The following EEFSEC variants were observed in gnomAD, a reference collection of about 807,000 sequenced individuals.
The protein encoded by EEFSEC is eukaryotic elongation factor, selenocysteine-tRNA specific.
EEFSEC carries 43 observed loss-of-function variants against 42.1 expected under a neutral mutation model. That is an observed-to-expected ratio of 1.02 (90% CI 0.80 to 1.32). The LOEUF (loss-of-function observed/expected upper bound fraction) is 1.32, where lower values mean the gene tolerates loss of function less well. EEFSEC is among the 40% of genes most tolerant of loss of function. The probability of loss-of-function intolerance (pLI) is 0.00; values close to 1 mark genes in which losing one functional copy is unlikely to be tolerated. For synonymous variants in EEFSEC, 354 were observed against 339.1 expected (o/e 1.04, Z -0.48); for missense variants, 745 against 803.6 (o/e 0.93, Z 0.88).
chr3:128,384,635 C>T (rs373202803), intron 6 of EEFSEC, among the ~76,000 whole-genome samples: 2 of 152,162 alleles, frequency 1.3e-5, no homozygotes, highest in African/African-American at 2.4e-5. Flanking sequence ...GGTGGCTGTA[C>T]CCCTGAGCCC....
At chr3:128,392,184 A>G (rs1050740779) in intron 6 of EEFSEC, among the ~76,000 whole-genome samples, 1 of 152,106 alleles carries the variant, frequency 6.6e-6, no homozygotes, top group East Asian at 1.9e-4. Context: ...GGCATGCGGG[A>G]CCCAGAGTGG....
At chr3:128,198,734 G>A (rs1157916588) in intron 1 of EEFSEC, among the ~76,000 whole-genome samples, 2 of 152,164 alleles carry the variant, frequency 1.3e-5, no homozygotes, top group African/African-American at 2.4e-5. Context: ...ACAATGCAGA[G>A]GGAGGGAACC....
the EEFSEC span, among the ~76,000 whole-genome samples, chr3:128,419,215 A>AGGCTGCTG: frequency 6.6e-6 from 1 of 152,188 alleles, no homozygotes; most frequent in African/African-American, 2.4e-5. Context: ...TGCACAAAGA[A>AGGCTGCTG]GTGGGGCACG....
intron 6 of EEFSEC, among the ~76,000 whole-genome samples, chr3:128,388,444 C>G (rs1463977941): frequency 6.6e-6 from 1 of 152,246 alleles, no homozygotes; most frequent in African/African-American, 2.4e-5. Flanking sequence ...TCCGCAGCCA[C>G]CAGCAGCGGG....
rs369663515 is a variant in EEFSEC, at chr3:128,323,444, T to C, written c.787-17789T>C. On this transcript the variant is annotated intron_variant, in intron 4 of 6. Coordinates refer to ENST00000254730, the MANE Select transcript of EEFSEC (RefSeq NM_021937.5). ...TGTCGGCTCTGGCCCGGAACTGACC[T>C]TTGTTATTTGAAGTGCTGGAAACAG... 7.2e-4 allele frequency among the ~76,000 whole-genome samples: 109 copies of C among 152,242 alleles called. No homozygotes were observed. The Middle Eastern group carries it at 0.027, about 38-fold the overall frequency.
At chr3:128,270,862 G>A (rs1460252942) in intron 4 of EEFSEC, among the ~76,000 whole-genome samples, 2 of 152,060 alleles carry the variant, frequency 1.3e-5, no homozygotes, top group African/African-American at 2.4e-5. Context: ...GGTGTGCCCC[G>A]TCCTCTGTGC....
chr3:128,183,817 A>G (rs1042386994), intron 1 of EEFSEC, among the ~76,000 whole-genome samples: 10 of 152,228 alleles, frequency 6.6e-5, no homozygotes, highest in African/African-American at 2.2e-4. Context: ...ATGGCTTGAC[A>G]TAAGTTGCTT....
At position 128,345,511 on chromosome 3, in the gene EEFSEC, C is replaced by T. The variant is rs147857216; in HGVS notation, c.1443+3622C>T. Among the ~76,000 whole-genome samples the T allele has an allele frequency of 2.3e-4, 35 of 152,348 alleles. No individual in the cohort carries two copies. The East Asian group carries it at 6.7e-3, about 29-fold the overall frequency. Reference sequence around the variant, plus strand: ...TGACTCTAAAAATTCCTGGGCACATCACAGTTACTAGTCAGCTTTCTGGAC... The same window carrying T: ...TGACTCTAAAAATTCCTGGGCACATTACAGTTACTAGTCAGCTTTCTGGAC... On this transcript the variant is annotated intron_variant, in intron 5 of 6. Transcript: ENST00000254730.
intron 4 of EEFSEC, among the ~76,000 whole-genome samples, chr3:128,321,068 T>A (rs553270042): frequency 6.6e-6 from 1 of 152,114 alleles, no homozygotes; most frequent in African/African-American, 2.4e-5. Flanking sequence ...ATGGCACAAA[T>A]ATGTGTGGGA....
At chr3:128,334,139 TG>T (rs145578419) in intron 4 of EEFSEC, among the ~76,000 whole-genome samples, 201 of 152,316 alleles carry the variant, frequency 1.3e-3, no homozygotes, top group Non-Finnish European at 2.4e-3. Context: ...CAGCCTAGAC[TG>T]AACCTGCCTC....
chr3:128,194,144 C>T lies in EEFSEC; in HGVS notation c.316+40321C>T, dbSNP rs151057389. On this transcript the variant is annotated intron_variant, in intron 1 of 6. Transcript: ENST00000254730. ...ATTTCTCCTCTCTTCCGTCTTGGGACGTGAAATCTTTTCAGCTCATAAAAA... is the reference window on the plus strand; with the variant it reads ...ATTTCTCCTCTCTTCCGTCTTGGGATGTGAAATCTTTTCAGCTCATAAAAA... 5.2e-3 allele frequency among the ~76,000 whole-genome samples: 796 copies of T among 152,296 alleles called. 6 individuals are homozygous for T. Among genetic ancestry groups the T allele is most frequent in the Non-Finnish European group, 8.2e-3 (556 of 68,026 alleles).
chr3:128,328,885 C>T (rs2067094274), intron 4 of EEFSEC, among the ~76,000 whole-genome samples: 1 of 152,142 alleles, frequency 6.6e-6, no homozygotes, highest in Non-Finnish European at 1.5e-5. Flanking sequence ...TTTGAAAATA[C>T]ATCCCAGACC....
chr3:128,252,207 G>A (rs1249295229), intron 2 of EEFSEC, among the ~76,000 whole-genome samples: 1 of 152,156 alleles, frequency 6.6e-6, no homozygotes, highest in African/African-American at 2.4e-5. Flanking sequence ...CATTGATCCT[G>A]CCTCCCTCCC....
At chr3:128,279,883 A>G (rs996464879) in intron 4 of EEFSEC, among the ~76,000 whole-genome samples, 1 of 152,220 alleles carries the variant, frequency 6.6e-6, no homozygotes, top group Non-Finnish European at 1.5e-5. Context: ...TGTTTACCAC[A>G]CTGTTCTTAT....
rs754868564 is a variant in EEFSEC at position 128,358,384 on chromosome 3, C to T, written c.1600+11C>T. The stretch of plus-strand genomic sequence containing the variant: ...AGATCCACATCCCAGGTAAGTGCAG[C>T]CACTTCCTCCCGGTTTAGGGACACC... On this transcript the variant is annotated intron_variant, in intron 6 of 6. Transcript: ENST00000254730. 105 of 1,613,692 alleles carry T rather than the reference C, an allele frequency of 6.5e-5. No individual in the cohort carries two copies. The highest frequency in any genetic ancestry group is 8.6e-5 in the Non-Finnish European group (101 of 1,179,744).
intron 6 of EEFSEC, among the ~76,000 whole-genome samples, chr3:128,404,992 G>A (rs1018211725): frequency 2.0e-5 from 3 of 151,516 alleles, no homozygotes; most frequent in African/African-American, 7.3e-5. Context: ...TCTACAGATG[G>A]CCTCTTTATC....
intron 1 of EEFSEC, among the ~76,000 whole-genome samples, chr3:128,169,009 A>C (rs1576513683): frequency 6.6e-6 from 1 of 152,326 alleles, no homozygotes; most frequent in East Asian, 1.9e-4. Flanking sequence ...CTAGTGGTCA[A>C]CAAAGCAGAA....
Position 128,341,320 on chromosome 3 carries a change from C to G in EEFSEC, c.874C>G (p.Gln292Glu), listed in dbSNP as rs749352896. 3 of 1,614,086 alleles carry G rather than the reference C, an allele frequency of 1.9e-6. No homozygotes were observed. The Admixed American group carries it at 5.0e-5, about 27-fold the overall frequency. Residue 292 changes from glutamine (Q) to glutamate (E), a missense_variant, in exon 5 of 7, where the codon CAG becomes GAG. Physicochemically the swap from Gln to Glu is conservative, Grantham distance 29. Transcript: ENST00000254730. ...QGDRLGICVT[Q>E]FDPKLLERGL... ...AGACCGGCTGGGCATCTGCGTCACCCAGTTTGACCCTAAGCTGCTGGAGCG... is the reference window on the plus strand; with the variant it reads ...AGACCGGCTGGGCATCTGCGTCACCGAGTTTGACCCTAAGCTGCTGGAGCG...
intron 1 of EEFSEC, among the ~76,000 whole-genome samples, chr3:128,206,276 A>ATCT (rs1260578672): frequency 6.6e-6 from 1 of 152,210 alleles, no homozygotes; most frequent in African/African-American, 2.4e-5. Flanking sequence ...CTGTGTTAGA[A>ATCT]TTCTCCTAGG....
Sources: gnomAD v4.1 joint callset for allele counts (sites outside exome capture counted in the v4.1 genomes callset) on GRCh38, gnomAD v4.1.1 for gene constraint, MANE v1.5 for transcripts, NCBI Gene and HGNC (gene_info 2026-07-23, HGNC 2026-07-21) for gene names.